Variants in VSIG10 observed in about 807,000 individuals in gnomAD.
VSIG10 encodes V-set and immunoglobulin domain-containing protein 10.
VSIG10 carries 48 observed loss-of-function variants against 58.7 expected under a neutral mutation model. The ratio of observed to expected loss-of-function variants is 0.82; its 90% CI spans 0.65 to 1.04. VSIG10 has a LOEUF of 1.04. Ranked by LOEUF, VSIG10 falls within the 50% of genes least tolerant of loss-of-function variation. The pLI is 0.00. For missense variants in VSIG10, 628 were observed against 670.0 expected (o/e 0.94, Z 0.69); for synonymous variants, 260 against 267.1 (o/e 0.97, Z 0.26).
chr12:118,090,254 G>A (rs1370324977), intron 2 of VSIG10, among the ~76,000 whole-genome samples: 2 of 152,112 alleles, frequency 1.3e-5, no homozygotes, highest in Non-Finnish European at 2.9e-5. Context: ...GTTGTGAGCC[G>A]AGATCATGCC....
At chr12:118,075,126 GTGTATATA>G (rs1223062478) in intron 4 of VSIG10, among the ~76,000 whole-genome samples, 3 of 144,864 alleles carry the variant, frequency 2.1e-5, no homozygotes, top group Admixed American at 7.1e-5. Context: ...GTATATATAT[GTGTATATA>G]TGTATATATG....
At chr12:118,097,503 TACTC>T (rs1407522857) in intron 1 of VSIG10, among the ~76,000 whole-genome samples, 1 of 151,144 alleles carries the variant, frequency 6.6e-6, no homozygotes, top group African/African-American at 2.4e-5. Context: ...TAGTCCCAGC[TACTC>T]AGGAGGCTGA....
chr12:118,095,923 CTTTTTT>C lies in VSIG10; in HGVS notation c.80-115_80-110del, dbSNP rs1030344556. On this transcript the variant is annotated intron_variant, in intron 1 of 8. Coordinates refer to ENST00000359236, the MANE Select transcript of VSIG10 (RefSeq NM_019086.6). ...TTTTTTTAAAAATCAGGTATATGTT[CTTTTTT>C]TTTTTTTTTTTTTTGAGACGGAGTC... 379 of 757,380 alleles carry C rather than the reference CTTTTTT, an allele frequency of 5.0e-4. 1 individual carries two copies. The highest frequency in any genetic ancestry group is 9.4e-4 in the Admixed American group (22 of 23,434). 46.9% of individuals were successfully genotyped at this position (757,380 alleles called of 1,614,324 possible). A position where few individuals can be genotyped will look rare whatever the true frequency, so the allele number is the denominator to read the frequency against.
At chr12:118,097,107 C>A (rs980395836) in intron 1 of VSIG10, among the ~76,000 whole-genome samples, 3 of 152,144 alleles carry the variant, frequency 2.0e-5, no homozygotes, top group Non-Finnish European at 4.4e-5. Context: ...CTTGGCCAGT[C>A]ACTGACAATA....
intron 7 of VSIG10, among the ~76,000 whole-genome samples, chr12:118,069,257 T>C (rs766762950): frequency 1.3e-5 from 2 of 148,956 alleles, no homozygotes; most frequent in Non-Finnish European, 3.0e-5. Context: ...ATCTGGCTAA[T>C]TTTTGTATTT....
intron 2 of VSIG10, among the ~76,000 whole-genome samples, chr12:118,087,837 CA>C (rs10654315): frequency 8.3e-4 from 52 of 62,596 alleles, no homozygotes; most frequent in East Asian, 5.7e-3. Flanking sequence ...GATCCTGTCT[CA>C]AAAAAAAAAA....
Position 118,065,473 on chromosome 12 carries a change from A to G in VSIG10, c.*1166T>C, listed in dbSNP as rs1033533591. 6.6e-6 allele frequency: 1 copy of G among 152,250 alleles called. No homozygotes were observed. The highest frequency in any genetic ancestry group is 1.5e-5 in the Non-Finnish European group (1 of 68,046). 9.4% of individuals were successfully genotyped at this position (152,250 alleles called of 1,614,324 possible). A position where few individuals can be genotyped will look rare whatever the true frequency, so the allele number is the denominator to read the frequency against. On this transcript the variant is annotated 3_prime_UTR_variant, in exon 9 of 9. Transcript: ENST00000359236. ...TATCTCCAGGGAAATAAAACTGGTTAAGACAGTGCTCTGATATGCTTAGTT... is the reference window on the plus strand; with the variant it reads ...TATCTCCAGGGAAATAAAACTGGTTGAGACAGTGCTCTGATATGCTTAGTT...
intron 1 of VSIG10, 82 bp downstream of exon 1, chr12:118,103,511 G>T: frequency 7.3e-7 from 1 of 1,360,764 alleles, no homozygotes; most frequent in South Asian, 1.4e-5. Flanking sequence ...GGCGGAGTCG[G>T]AGGGAATTGG....
intron 2 of VSIG10, among the ~76,000 whole-genome samples, chr12:118,083,017 G>A (rs561640780): frequency 6.7e-6 from 1 of 149,832 alleles, no homozygotes; most frequent in East Asian, 2.0e-4. Context: ...GGAGGCTGAG[G>A]CAGGAGAATC....
At chr12:118,097,144 AG>A (rs2033484791) in intron 1 of VSIG10, among the ~76,000 whole-genome samples, 1 of 152,212 alleles carries the variant, frequency 6.6e-6, no homozygotes, top group Non-Finnish European at 1.5e-5. Flanking sequence ...TAACAAACAT[AG>A]CCCCAGTTGT....
chr12:118,103,860 G>T lies in VSIG10; in HGVS notation c.-189C>A. 2 of 497,700 alleles carry T rather than the reference G, an allele frequency of 4.0e-6. No individual in the cohort carries two copies. Among genetic ancestry groups the T allele is most frequent in the Non-Finnish European group, 6.6e-6 (2 of 304,142 alleles). The allele number at this position is 497,700 out of a possible 1,614,324, so 30.8% of individuals were successfully genotyped here. ...TGTCCAGGGCCGGCAGCGGAGCTCGGCTGCAGGCTCGGGTCCCCGCTCCCG... is the reference window on the plus strand; with the variant it reads ...TGTCCAGGGCCGGCAGCGGAGCTCGTCTGCAGGCTCGGGTCCCCGCTCCCG... On this transcript the variant is annotated 5_prime_UTR_variant, in exon 1 of 9. Transcript: ENST00000359236.
At chr12:118,068,891 CT>C (rs2137832183) in intron 7 of VSIG10, among the ~76,000 whole-genome samples, 1 of 152,202 alleles carries the variant, frequency 6.6e-6, no homozygotes, top group East Asian at 1.9e-4. Flanking sequence ...AATGTTTTTC[CT>C]TTTCTGAAAT....
chr12:118,100,421 T>G (rs181271894), intron 1 of VSIG10, among the ~76,000 whole-genome samples: 2 of 152,032 alleles, frequency 1.3e-5, no homozygotes, highest in Non-Finnish European at 2.9e-5. Context: ...CCCTTGTACC[T>G]GGGAGGCGGA....
chr12:118,079,243 T>C, intron 4 of VSIG10, 103 bp downstream of exon 4: 1 of 1,476,720 alleles, frequency 6.8e-7, no homozygotes, highest in Admixed American at 2.2e-5. Flanking sequence ...CAGTCCACCC[T>C]GACATCCGGG....
At chr12:118,071,291 C>T (rs2137844127) in intron 6 of VSIG10, 68 bp downstream of exon 6, 1 of 1,468,444 alleles carries the variant, frequency 6.8e-7, no homozygotes, top group East Asian at 2.3e-5. Flanking sequence ...AGGCAGGGGC[C>T]ATCCTTCCCC....
chr12:118,084,800 ACAAG>A (rs1311910367), intron 2 of VSIG10, among the ~76,000 whole-genome samples: 2 of 152,274 alleles, frequency 1.3e-5, no homozygotes, highest in South Asian at 4.1e-4. Context: ...AATCACCTAA[ACAAG>A]GTCAGGAGAT....
chr12:118,073,778 G>A lies in VSIG10; in HGVS notation c.1140C>T (p.Asp380=), dbSNP rs2032596058. 6.2e-7 allele frequency: 1 copy of A among 1,613,952 alleles called. No individual in the cohort carries two copies. Among genetic ancestry groups the A allele is most frequent in the African/African-American group, 1.3e-5 (1 of 75,038 alleles). ...GGCAGATGTAGTAGCCCTCATCCAG[G>A]TCCTGGGAGCAGTTGTGGATAGTGA... is the stretch of plus-strand genomic sequence containing the variant. ...STLTIHNCSQ[D]LDEGYYICRA... is the part of the protein sequence containing the mutation. The change falls in exon 5 of 9, where the codon GAC becomes GAT. Residue 380 remains aspartate (D), a synonymous_variant. Coordinates refer to ENST00000359236, the MANE Select transcript of VSIG10 (RefSeq NM_019086.6).
intron 2 of VSIG10, among the ~76,000 whole-genome samples, chr12:118,084,364 T>G (rs1370538895): frequency 2.0e-5 from 3 of 152,194 alleles, no homozygotes; most frequent in Non-Finnish European, 2.9e-5. Context: ...GACCAGGAAT[T>G]TTATTCGAAA....
intron 1 of VSIG10, chr12:118,102,369 A>G (rs2033643365): frequency 6.6e-6 from 1 of 152,328 alleles, no homozygotes; most frequent in South Asian, 2.1e-4. Flanking sequence ...GTGATTACTC[A>G]GCCAAATGCC....
Sources: allele counts gnomAD v4.1 joint callset (sites outside exome capture counted in the v4.1 genomes callset), GRCh38; gene constraint gnomAD v4.1.1; transcripts MANE v1.5; gene names NCBI Gene and HGNC (gene_info 2026-07-23, HGNC 2026-07-21).